Variants in TREM1 observed in about 807,000 individuals in gnomAD.
TREM1 encodes the protein triggering receptor expressed on myeloid cells 1.
A neutral mutation model predicts 22.4 loss-of-function variants in TREM1; 16 were observed. The observed-to-expected ratio is 0.71, with a 90% confidence interval of 0.48 to 1.08. The LOEUF is 1.08. Among genes scored for constraint, TREM1 ranks in the 50% least tolerant of loss-of-function variants. TREM1 has a pLI of 0.00. For missense variants in TREM1, 283 were observed against 282.9 expected, an observed-to-expected ratio of 1.00 and a Z score of 0.00; for synonymous variants, 110 against 111.6, an observed-to-expected ratio of 0.99 and a Z score of 0.09.
At chr6:41,271,831 G>A (rs1183549895), downstream of TREM1, among the ~76,000 whole-genome samples, 1 of 152,128 alleles carries the variant, frequency 6.6e-6, no homozygotes, top group Non-Finnish European at 1.5e-5. Context: ...AAAGATATAA[G>A]AGGAAACTCC....
chr6:41,273,372 T>C (rs367770503), downstream of TREM1, among the ~76,000 whole-genome samples: 2 of 152,344 alleles, frequency 1.3e-5, no homozygotes, highest in East Asian at 1.9e-4. Flanking sequence ...AGTTGGATTC[T>C]GTTGTTAGCA....
downstream of TREM1, among the ~76,000 whole-genome samples, chr6:41,270,440 T>G (rs867777896): frequency 1.4e-5 from 1 of 72,366 alleles, no homozygotes; most frequent in Admixed American, 2.0e-4. Context: ...ATATATGATA[T>G]TATATAATAT....
intron 1 of TREM1, among the ~76,000 whole-genome samples, chr6:41,284,746 G>A (rs994594256): frequency 6.6e-6 from 1 of 152,168 alleles, no homozygotes; most frequent in South Asian, 2.1e-4. Flanking sequence ...CCCACCCCAG[G>A]ATAGGCCAAC....
At chr6:41,277,367 G>A (rs114116728) in intron 3 of TREM1, among the ~76,000 whole-genome samples, 3,322 of 152,020 alleles carry the variant, frequency 0.022, 109 homozygotes, top group African/African-American at 0.074. Context: ...ACGGGGGCAG[G>A]GATGGGGCAG....
chr6:41,282,809 G>A (rs1767992928), intron 1 of TREM1, 58 bp from the exon 2 acceptor site: 5 of 1,460,646 alleles, frequency 3.4e-6, no homozygotes, highest in Non-Finnish European at 3.7e-6. Context: ...TCTCTGAGTG[G>A]GGAAAAAGGA....
At chr6:41,273,484 C>G (rs1046954360), downstream of TREM1, among the ~76,000 whole-genome samples, 1 of 152,178 alleles carries the variant, frequency 6.6e-6, no homozygotes, top group African/African-American at 2.4e-5. Context: ...GATCAGACAC[C>G]CTGCAAGGAT....
downstream of TREM1, among the ~76,000 whole-genome samples, chr6:41,268,942 G>A (rs995783673): frequency 5.9e-5 from 9 of 152,100 alleles, no homozygotes; most frequent in Admixed American, 1.3e-4. Flanking sequence ...TATTACATGG[G>A]TTCAGTAGAT....
At chr6:41,270,981 C>G (rs1767466077), downstream of TREM1, among the ~76,000 whole-genome samples, 1 of 152,220 alleles carries the variant, frequency 6.6e-6, no homozygotes, top group African/African-American at 2.4e-5. Flanking sequence ...GTTGGGATTA[C>G]AGGTGCGAGC....
rs980209216 is a variant in TREM1 at position 41,276,903 on chromosome 6, G to A, written c.600-673C>T. On this transcript the variant is annotated intron_variant, in intron 3 of 3. Transcript: ENST00000244709. The stretch of plus-strand genomic sequence containing the variant: ...AAATCAGAGGTCCAGTGGATAAGCC[G>A]GACGTGGTAGCATGCACCCATGGTC... Among the ~76,000 whole-genome samples, 32 of 152,172 alleles carry A rather than the reference G, an allele frequency of 2.1e-4. No homozygotes were observed. The Middle Eastern group carries it at 0.01, about 49-fold the overall frequency.
intron 2 of TREM1, chr6:41,281,398 A>G (rs991628622): frequency 4.0e-5 from 20 of 505,596 alleles, no homozygotes; most frequent in African/African-American, 2.7e-4. Context: ...AAAGAAGAAA[A>G]AAAGGGCAGG....
At chr6:41,284,497 G>T (rs1164446484) in intron 1 of TREM1, among the ~76,000 whole-genome samples, 1 of 152,188 alleles carries the variant, frequency 6.6e-6, no homozygotes, top group Non-Finnish European at 1.5e-5. Flanking sequence ...ACCAAGGTCC[G>T]TGTTTTCAGC....
intron 3 of TREM1, among the ~76,000 whole-genome samples, chr6:41,278,612 G>A (rs1039801362): frequency 7.3e-5 from 11 of 151,442 alleles, no homozygotes; most frequent in Non-Finnish European, 1.2e-4. Flanking sequence ...AGCCATGATC[G>A]TGCCACTCCA....
chr6:41,286,499 G>T (rs1768176140), intron 1 of TREM1, 108 bp downstream of exon 1: 4 of 1,131,846 alleles, frequency 3.5e-6, no homozygotes, highest in Non-Finnish European at 5.2e-6. Flanking sequence ...CATAACTACT[G>T]GTTGGCTCTA....
Position 41,276,229 on chromosome 6 carries a change from C to G in TREM1, c.601G>C (p.Val201Leu). The G allele has an allele frequency of 6.2e-7, 1 of 1,613,432 alleles. No individual in the cohort carries two copies. The highest frequency in any genetic ancestry group is 2.2e-5 in the East Asian group (1 of 44,858). The change falls in exon 4 of 4, where the codon GTT (valine) becomes CTT (leucine). Residue 201 changes from valine (V) to leucine (L), a missense_variant and splice_region_variant. By Grantham distance (32) the Val-to-Leu change is conservative. Coordinates refer to ENST00000244709, the MANE Select transcript of TREM1 (RefSeq NM_018643.5). ...NLTNVTDIIR[V>L]PVFNIVILLA... ...AGAATGACAATGTTGAACACCGGAA[C>G]CCTGCGGGAGACAAGAGGCTGAACG... is the stretch of plus-strand genomic sequence containing the variant.
chr6:41,273,185 GCCTCCAGTAT>G (rs1407334214), downstream of TREM1, among the ~76,000 whole-genome samples: 1 of 152,166 alleles, frequency 6.6e-6, no homozygotes, highest in African/African-American at 2.4e-5. Context: ...TAGCATGGTG[GCCTCCAGTAT>G]CCAGGGCAGT....
chr6:41,282,778 C>T (rs1301031652), intron 1 of TREM1, 27 bp from the exon 2 acceptor site: 4 of 1,567,374 alleles, frequency 2.6e-6, no homozygotes, highest in Non-Finnish European at 3.5e-6. Flanking sequence ...AGAATGGGTT[C>T]TGTGAGGAAT....
rs1554147927 is a variant in TREM1 at position 41,283,719 on chromosome 6, A to AAAC, written c.50-969_50-968insGTT. Among the ~76,000 whole-genome samples, 5 of 147,036 alleles carry AAAC rather than the reference A, an allele frequency of 3.4e-5. No individual in the cohort carries two copies. In the East Asian group the frequency reaches 6.1e-4, roughly 18 times the overall value. On this transcript the variant is annotated intron_variant, in intron 1 of 3. Transcript: ENST00000244709. Reference sequence around the variant, plus strand: ...AGGGCAAGACTCTGTTAAAAAAAAAAACACACACACACACACACACATACA... The same window carrying AAAC: ...AGGGCAAGACTCTGTTAAAAAAAAAAAACACACACACACACACACACACATACA...
chr6:41,281,033 G>A lies in TREM1; in HGVS notation c.527C>T (p.Pro176Leu), dbSNP rs200149900. 30 of 1,614,142 alleles carry A rather than the reference G, an allele frequency of 1.9e-5. No homozygotes were observed. Among genetic ancestry groups the A allele is most frequent in the South Asian group, 1.6e-4 (15 of 91,088 alleles). ...YTSPRTVTQA[P>L]PKSTADVSTP... ...GGAGACATCGGCAGTTGACTTGGGT[G>A]GAGCTTGGGTCACAGTTCTGGGGCT... Residue 176 changes from proline to leucine, a missense_variant, in exon 3 of 4, where the codon CCA becomes CTA. Physicochemically the swap from Pro to Leu is moderately conservative, Grantham distance 98. Transcript: ENST00000244709.
chr6:41,273,202 C>T (rs1366729631), downstream of TREM1, among the ~76,000 whole-genome samples: 2 of 152,192 alleles, frequency 1.3e-5, no homozygotes, highest in South Asian at 2.1e-4. Flanking sequence ...GTATCCAGGG[C>T]AGTGGCATTG....
Sources: gnomAD v4.1 joint callset for allele counts (sites outside exome capture counted in the v4.1 genomes callset) on GRCh38, gnomAD v4.1.1 for gene constraint, MANE v1.5 for transcripts, NCBI Gene and HGNC (gene_info 2026-07-23, HGNC 2026-07-21) for gene names.